RMND5A: variants seen among roughly 807,000 people sequenced by gnomAD.
RMND5A encodes the protein E3 ubiquitin-protein transferase RMND5A.
In RMND5A, 17 loss-of-function variants were observed where a neutral mutation model predicts 49.7. The observed-to-expected ratio is 0.34, with a 90% confidence interval of 0.23 to 0.51. The LOEUF is 0.51. Ranked by LOEUF, RMND5A falls within the 20% of genes least tolerant of loss-of-function variation. The pLI is 0.96. For missense variants in RMND5A, 255 were observed against 471.3 expected, an observed-to-expected ratio of 0.54 and a Z score of 4.25; for synonymous variants, 156 against 167.7, an observed-to-expected ratio of 0.93 and a Z score of 0.54.
At chr2:86,751,295 G>A (rs538290760) in intron 2 of RMND5A, among the ~76,000 whole-genome samples, 13 of 152,128 alleles carry the variant, frequency 8.5e-5, no homozygotes, top group Non-Finnish European at 1.6e-4. Flanking sequence ...GTAACACCTG[G>A]TAGCCAATAT....
chr2:86,754,724 T>TA (rs1681699037), intron 4 of RMND5A, among the ~76,000 whole-genome samples: 1 of 151,906 alleles, frequency 6.6e-6, no homozygotes, highest in Non-Finnish European at 1.5e-5. Context: ...CCCAGCTAAT[T>TA]AAAAAAAATT....
intron 2 of RMND5A, among the ~76,000 whole-genome samples, chr2:86,747,274 T>G (rs1361654373): frequency 6.6e-6 from 1 of 152,224 alleles, no homozygotes; most frequent in Non-Finnish European, 1.5e-5. Flanking sequence ...ATCTTGAAGG[T>G]GGGGCATCTT....
chr2:86,761,074 G>T (rs1415680595), intron 4 of RMND5A, among the ~76,000 whole-genome samples: 1 of 151,534 alleles, frequency 6.6e-6, no homozygotes, highest in African/African-American at 2.4e-5. Flanking sequence ...GTAATTACAA[G>T]GATATTGAAG....
intron 2 of RMND5A, among the ~76,000 whole-genome samples, chr2:86,747,648 G>A (rs1034284620): frequency 5.9e-5 from 9 of 152,164 alleles, no homozygotes; most frequent in African/African-American, 2.2e-4. Context: ...TACTATTAGG[G>A]AATTGGTACT....
At chr2:86,763,568 C>T (rs1447275528) in intron 4 of RMND5A, among the ~76,000 whole-genome samples, 2 of 152,090 alleles carry the variant, frequency 1.3e-5, no homozygotes, top group African/African-American at 4.8e-5. Context: ...TCACTTGAGC[C>T]CAGGAGTTCA....
At chr2:86,762,204 G>A (rs555620984) in intron 4 of RMND5A, among the ~76,000 whole-genome samples, 61 of 152,286 alleles carry the variant, frequency 4.0e-4, no homozygotes, top group African/African-American at 1.4e-3. Context: ...TCTTCCTGGT[G>A]GTTTCAGACC....
chr2:86,757,282 G>T (rs1434924226), intron 4 of RMND5A, among the ~76,000 whole-genome samples: 1 of 151,176 alleles, frequency 6.6e-6, no homozygotes, highest in East Asian at 1.9e-4. Flanking sequence ...AACAACACCT[G>T]ATTACATAGA....
At chr2:86,752,089 A>T in intron 3 of RMND5A, 59 bp downstream of exon 3, 2 of 1,566,730 alleles carry the variant, frequency 1.3e-6, no homozygotes, top group East Asian at 4.5e-5. Flanking sequence ...CTTGGAGTTT[A>T]TAGTATTTGC....
chr2:86,760,296 G>A (rs931040608), intron 4 of RMND5A, among the ~76,000 whole-genome samples: 6 of 152,124 alleles, frequency 3.9e-5, no homozygotes, highest in African/African-American at 7.2e-5. Context: ...CACCCACCTC[G>A]GCCTCCCAAA....
chr2:86,767,533 AGGCTCCTG>A (rs1432636130), intron 6 of RMND5A, among the ~76,000 whole-genome samples: 1 of 150,800 alleles, frequency 6.6e-6, no homozygotes, highest in African/African-American at 2.4e-5. Flanking sequence ...CTCCTGCCTC[AGGCTCCTG>A]AGTAGCTGGG....
intron 1 of RMND5A, among the ~76,000 whole-genome samples, chr2:86,721,529 T>G (rs1368646279): frequency 6.6e-6 from 1 of 151,878 alleles, no homozygotes; most frequent in African/African-American, 2.4e-5. Context: ...ATTGTGCACA[T>G]GTTGCTAGTT....
chr2:86,725,297 A>G (rs1220142735), intron 1 of RMND5A, among the ~76,000 whole-genome samples: 5 of 148,990 alleles, frequency 3.4e-5, no homozygotes, highest in Non-Finnish European at 7.4e-5. Context: ...CAAATGATAA[A>G]AAAGGACACC....
intron 2 of RMND5A, among the ~76,000 whole-genome samples, chr2:86,751,176 A>G (rs971811984): frequency 2.0e-5 from 3 of 152,260 alleles, no homozygotes; most frequent in South Asian, 2.1e-4. Context: ...CAGGCAATCA[A>G]CCTTGTTGGA....
At chr2:86,751,670 T>TA (rs1453053655) in intron 2 of RMND5A, among the ~76,000 whole-genome samples, 2 of 152,184 alleles carry the variant, frequency 1.3e-5, no homozygotes, top group Non-Finnish European at 2.9e-5. Flanking sequence ...TGGACACCAT[T>TA]ATTAAATCTA....
intron 4 of RMND5A, among the ~76,000 whole-genome samples, chr2:86,760,205 C>T (rs913044401): frequency 3.3e-5 from 5 of 152,074 alleles, no homozygotes; most frequent in Admixed American, 6.6e-5. Flanking sequence ...CCACCACACC[C>T]GACTAATTTT....
chr2:86,762,644 C>CAA lies in RMND5A; in HGVS notation c.522-2372_522-2371dup, dbSNP rs139214361. On this transcript the variant is annotated intron_variant, in intron 4 of 8. Coordinates refer to ENST00000283632, the MANE Select transcript of RMND5A (RefSeq NM_022780.4). Reference sequence around the variant, plus strand: ...TGGGCAACAGAGTGAAACTCTGTCTCAAAAAAAAAAAATATTTTTTTATAT... The same window carrying CAA: ...TGGGCAACAGAGTGAAACTCTGTCTCAAAAAAAAAAAAAATATTTTTTTATAT... Among the ~76,000 whole-genome samples the CAA allele has an allele frequency of 6.7e-3, 937 of 140,138 alleles. 22 individuals are homozygous for CAA. Among genetic ancestry groups the CAA allele is most frequent in the African/African-American group, 0.023 (869 of 36,992 alleles). 91.9% of individuals were successfully genotyped at this position (140,138 alleles called of 152,430 possible).
rs539284700 is a variant in RMND5A, at chr2:86,765,950, T to C, written c.780T>C (p.Ala260=). Residue 260 remains alanine, a synonymous_variant, in exon 6 of 9, where the codon GCT becomes GCC. Transcript: ENST00000283632. ...YVHLLDANQW[A]DICDIFTRDA... ...ACCTACTTGATGCAAACCAGTGGGCTGATATCTGTGACATCTTTACACGGG... is the reference window on the plus strand; with the variant it reads ...ACCTACTTGATGCAAACCAGTGGGCCGATATCTGTGACATCTTTACACGGG... 2 of 1,614,120 alleles carry C rather than the reference T, an allele frequency of 1.2e-6. No homozygotes were observed. Among genetic ancestry groups the C allele is most frequent in the Admixed American group, 1.7e-5 (1 of 60,008 alleles).
chr2:86,770,172 G>A, intron 7 of RMND5A, 47 bp downstream of exon 7: 1 of 1,230,014 alleles, frequency 8.1e-7, no homozygotes, highest in Non-Finnish European at 1.2e-6. Context: ...GCCATTAGAA[G>A]AATATGGCAT....
Position 86,751,946 on chromosome 2 carries a change from A to C in RMND5A, c.336A>C (p.Ala112=). ...TGGGAATAGATGGCTGCTGGCAGGC[A>C]GACAGCCAAAGGCTTCTCAATGAGG... The part of the protein sequence containing the change: ...SSVGIDGCWQ[A]DSQRLLNEVM... The change falls in exon 3 of 9, where the codon GCA becomes GCC. Residue 112 remains alanine, a synonymous_variant. Coordinates refer to ENST00000283632, the MANE Select transcript of RMND5A (RefSeq NM_022780.4). 1 of 1,613,740 alleles carries C rather than the reference A, an allele frequency of 6.2e-7. No homozygotes were observed. Among genetic ancestry groups the C allele is most frequent in the Non-Finnish European group, 8.5e-7 (1 of 1,179,680 alleles).
Sources: allele counts gnomAD v4.1 joint callset (sites outside exome capture counted in the v4.1 genomes callset), GRCh38; gene constraint gnomAD v4.1.1; transcripts MANE v1.5; gene names NCBI Gene and HGNC (gene_info 2026-07-23, HGNC 2026-07-21).